The following FER1L6 variants were observed in gnomAD, a reference collection of about 807,000 sequenced individuals.
FER1L6 encodes the protein fer-1-like protein 6.
FER1L6 carries 177 observed loss-of-function variants against 219.2 expected under a neutral mutation model. The ratio of observed to expected loss-of-function variants is 0.81; its 90% CI spans 0.71 to 0.91. FER1L6 has a LOEUF of 0.91. Ranked by LOEUF, FER1L6 falls within the 40% of genes least tolerant of loss-of-function variation. The pLI is 0.00. For synonymous variants in FER1L6, 768 were observed against 824.3 expected, an observed-to-expected ratio of 0.93 and a Z score of 1.17; for missense variants, 2,153 against 2,259.9, an observed-to-expected ratio of 0.95 and a Z score of 0.96.
chr8:124,001,263 C>T (rs1360544343), intron 12 of FER1L6, among the ~76,000 whole-genome samples: 5 of 152,164 alleles, frequency 3.3e-5, no homozygotes, highest in Admixed American at 3.3e-4. Flanking sequence ...ACTATAATAC[C>T]TTCCTTTTGA....
chr8:123,915,313 C>G (rs754193255), intron 1 of FER1L6, among the ~76,000 whole-genome samples: 1 of 151,846 alleles, frequency 6.6e-6, no homozygotes, highest in African/African-American at 2.4e-5. Flanking sequence ...GGGTGAGGGG[C>G]AGTTTGTCAT....
rs1821442153 is a variant in FER1L6 at position 124,079,510 on chromosome 8, A to C, written c.4221-2778A>C. 1.3e-5 allele frequency among the ~76,000 whole-genome samples: 2 copies of C among 152,206 alleles called. 1 individual carries two copies. Among genetic ancestry groups the C allele is most frequent in the Admixed American group, 1.3e-4 (2 of 15,280 alleles). The stretch of plus-strand genomic sequence containing the variant: ...ACCTGGATTAGCGTTTGATTGAATA[A>C]CTGGAGACTATAGTCAAGTAGACAC... On this transcript the variant is annotated intron_variant, in intron 32 of 40. Transcript: ENST00000522917.
At chr8:123,927,650 G>A (rs1813618940) in intron 1 of FER1L6, among the ~76,000 whole-genome samples, 1 of 152,166 alleles carries the variant, frequency 6.6e-6, no homozygotes, top group African/African-American at 2.4e-5. Flanking sequence ...TTTCTTAGAA[G>A]TTGTACTTCT....
At chr8:124,097,455 C>T (rs148814368) in intron 36 of FER1L6, 96 bp downstream of exon 36, 1 of 893,674 alleles carries the variant, frequency 1.1e-6, no homozygotes, top group East Asian at 2.5e-5. Flanking sequence ...GTTACCTGAT[C>T]ATCATACCTC....
chr8:123,926,957 T>C (rs968828361), intron 1 of FER1L6, among the ~76,000 whole-genome samples: 16 of 152,104 alleles, frequency 1.1e-4, no homozygotes, highest in African/African-American at 2.9e-4. Flanking sequence ...AGATTTGGGG[T>C]AAAAGAGGTG....
chr8:124,082,532 C>A, intron 33 of FER1L6, 74 bp downstream of exon 33: 2 of 1,386,126 alleles, frequency 1.4e-6, no homozygotes, highest in Non-Finnish European at 2.0e-6. Context: ...GACTCTGCAT[C>A]CCAGTTGTCC....
chr8:124,102,840 G>C lies in FER1L6; in HGVS notation c.5126-306G>C, dbSNP rs758884118. On this transcript the variant is annotated intron_variant, in intron 38 of 40. Transcript: ENST00000522917. ...CAATAATCCAGGCTTAGGGAGCAGA[G>C]GAGGTGGTCAGCAGTGAAGCTACCT... Among the ~76,000 whole-genome samples, 81 of 152,196 alleles carry C rather than the reference G, an allele frequency of 5.3e-4. 1 individual carries two copies. Among genetic ancestry groups the C allele is most frequent in the Middle Eastern group, 3.2e-3 (1 of 316 alleles).
At chr8:123,953,624 C>A (rs1586509060) in intron 1 of FER1L6, among the ~76,000 whole-genome samples, 1 of 152,270 alleles carries the variant, frequency 6.6e-6, no homozygotes, top group African/African-American at 2.4e-5. Context: ...CTGAGGCTAC[C>A]CATGACGAGG....
rs1485213544 is a variant in FER1L6, at chr8:123,980,477, C to A, written c.1076C>A (p.Thr359Asn). 6.2e-7 allele frequency: 1 copy of A among 1,612,274 alleles called. No individual in the cohort carries two copies. Among genetic ancestry groups the A allele is most frequent in the African/African-American group, 1.3e-5 (1 of 74,874 alleles). The change falls in exon 11 of 41, where the codon ACC becomes AAC. Residue 359 changes from threonine to asparagine, a missense_variant. Coordinates refer to ENST00000522917, the MANE Select transcript of FER1L6 (RefSeq NM_001039112.2). Reference sequence around the variant, plus strand: ...GGGGTCTCTCTAGGCTTTCTGCCCACCTTTGGGCCTGCCTGGATTAACCTG... The same window carrying A: ...GGGGTCTCTCTAGGCTTTCTGCCCAACTTTGGGCCTGCCTGGATTAACCTG... ...EQDGDKGFLP[T>N]FGPAWINLYG...
intron 1 of FER1L6, among the ~76,000 whole-genome samples, chr8:123,922,830 T>G (rs1563686965): frequency 6.6e-6 from 1 of 152,320 alleles, no homozygotes; most frequent in East Asian, 1.9e-4. Flanking sequence ...CCCAATGAGA[T>G]AGATTTTAAA....
At chr8:123,979,886 C>T (rs1047299368) in intron 10 of FER1L6, among the ~76,000 whole-genome samples, 1 of 152,034 alleles carries the variant, frequency 6.6e-6, no homozygotes, top group Non-Finnish European at 1.5e-5. Context: ...TTATCAAGGC[C>T]CCAAGACCCA....
At chr8:124,039,376 C>A (rs1301829308) in intron 19 of FER1L6, among the ~76,000 whole-genome samples, 1 of 152,090 alleles carries the variant, frequency 6.6e-6, no homozygotes, top group Non-Finnish European at 1.5e-5. Flanking sequence ...GTGGAGCAGC[C>A]CCTTTCACAC....
intron 1 of FER1L6, among the ~76,000 whole-genome samples, chr8:123,872,810 C>T (rs1346643011): frequency 6.6e-6 from 1 of 152,184 alleles, no homozygotes; most frequent in East Asian, 1.9e-4. Context: ...GTACGAGGTC[C>T]TCTGTAATCT....
chr8:124,064,533 C>T lies in FER1L6; in HGVS notation c.3515C>T (p.Thr1172Ile), dbSNP rs754965401. Residue 1172 changes from threonine to isoleucine, a missense_variant, in exon 26 of 41, where the codon ACA becomes ATA. Thr to Ile is a moderately conservative substitution (Grantham distance 89, BLOSUM62 -1). Transcript: ENST00000522917. ...TCCCCGATGCTGGAGCCTGAACACA[C>T]ACCTGTAGCCCAGGAGCCACCAAAA... Reference protein sequence around the residue: ...DSSPMLEPEHTPVAQEPPKDG... With the variant: ...DSSPMLEPEHIPVAQEPPKDG... The T allele has an allele frequency of 6.5e-5, 105 of 1,612,024 alleles. No homozygotes were observed. The Admixed American group carries it at 1.4e-3, about 21-fold the overall frequency.
chr8:123,927,884 G>C (rs1342151725), intron 1 of FER1L6, among the ~76,000 whole-genome samples: 1 of 152,168 alleles, frequency 6.6e-6, no homozygotes, highest in African/African-American at 2.4e-5. Context: ...ATATATCACA[G>C]TGTTTATTGT....
In FER1L6 at chr8:123,929,037, G is replaced by A. The variant is rs538928474; in HGVS notation, c.-7-26955G>A. Among the ~76,000 whole-genome samples, 10 of 152,286 alleles carry A rather than the reference G, an allele frequency of 6.6e-5. No homozygotes were observed. In the South Asian group the frequency reaches 2.1e-3, roughly 32 times the overall value. On this transcript the variant is annotated intron_variant, in intron 1 of 40. Coordinates refer to ENST00000522917, the MANE Select transcript of FER1L6 (RefSeq NM_001039112.2). ...GTTTGGAATTCACCAATGGCCTTGG[G>A]AATGAGGTCTCCTGAGGATTAAAAG...
chr8:123,952,489 T>C (rs1217339780), intron 1 of FER1L6, among the ~76,000 whole-genome samples: 1 of 152,214 alleles, frequency 6.6e-6, no homozygotes, highest in Non-Finnish European at 1.5e-5. Context: ...AGGGTTCCTG[T>C]GTACCTCTTG....
chr8:124,089,496 G>T (rs1821930217), intron 33 of FER1L6, among the ~76,000 whole-genome samples: 1 of 152,156 alleles, frequency 6.6e-6, no homozygotes, highest in African/African-American at 2.4e-5. Flanking sequence ...CTGATCTTGT[G>T]TGTATAATTT....
chr8:123,906,154 T>G, intron 1 of FER1L6, among the ~76,000 whole-genome samples: 1 of 152,326 alleles, frequency 6.6e-6, no homozygotes, highest in Middle Eastern at 3.4e-3. Context: ...TTGGCCCAAC[T>G]GTAGGAATGA....
Sources: gnomAD v4.1 joint callset for allele counts (sites outside exome capture counted in the v4.1 genomes callset) on GRCh38, gnomAD v4.1.1 for gene constraint, MANE v1.5 for transcripts, NCBI Gene and HGNC (gene_info 2026-07-23, HGNC 2026-07-21) for gene names.